The following PTPRD variants were observed in gnomAD, a reference collection of about 807,000 sequenced individuals.
The protein encoded by PTPRD is protein tyrosine phosphatase receptor type D.
PTPRD carries 34 observed loss-of-function variants against 214.5 expected under a neutral mutation model. That is an observed-to-expected ratio of 0.16 (90% CI 0.12 to 0.21). The LOEUF is 0.21. Ranked by LOEUF, PTPRD falls within the 10% of genes least tolerant of loss-of-function variation. PTPRD has a pLI of 1.00. For synonymous variants in PTPRD, 1,128 were observed against 845.7 expected, an observed-to-expected ratio of 1.33 and a Z score of -5.79; for missense variants, 2,545 against 2,398.7, an observed-to-expected ratio of 1.06 and a Z score of -1.27.
chr9:9,589,563 G>C (rs1310819281), intron 7 of PTPRD, among the ~76,000 whole-genome samples: 1 of 151,964 alleles, frequency 6.6e-6, no homozygotes, highest in Non-Finnish European at 1.5e-5. Context: ...CTGTGTTCCA[G>C]TGATATTTCA....
At chr9:9,221,877 C>A (rs1031887644) in intron 9 of PTPRD, among the ~76,000 whole-genome samples, 2 of 152,018 alleles carry the variant, frequency 1.3e-5, no homozygotes, top group Non-Finnish European at 2.9e-5. Context: ...GAAATACAGT[C>A]ATCACTTCAG....
At position 9,099,653 on chromosome 9, in the gene PTPRD, T is replaced by A. The variant is rs1015892942; in HGVS notation, c.-142-80918A>T. On this transcript the variant is annotated intron_variant, in intron 10 of 45. Transcript: ENST00000381196. ...ATTTCTACAATTGTAATTATGTTTT[T>A]AAGAATAAAAATATTCCATACTAGG... 3.3e-5 allele frequency among the ~76,000 whole-genome samples: 5 copies of A among 152,202 alleles called. No individual in the cohort carries two copies. The South Asian group carries it at 1.0e-3, about 31-fold the overall frequency.
At chr9:9,971,315 G>A (rs907052241) in intron 4 of PTPRD, among the ~76,000 whole-genome samples, 17 of 152,280 alleles carry the variant, frequency 1.1e-4, no homozygotes, top group African/African-American at 3.8e-4. Flanking sequence ...GTCTGGAGTA[G>A]AAACCAGGTG....
chr9:9,271,939 A>G (rs1943107962), intron 9 of PTPRD, among the ~76,000 whole-genome samples: 1 of 151,420 alleles, frequency 6.6e-6, no homozygotes, highest in Non-Finnish European at 1.5e-5. Flanking sequence ...CATTGTTTAT[A>G]GAGATACAAA....
At chr9:9,519,636 A>G (rs2096918247) in intron 8 of PTPRD, among the ~76,000 whole-genome samples, 1 of 152,014 alleles carries the variant, frequency 6.6e-6, no homozygotes, top group South Asian at 2.1e-4. Context: ...CTAAAGAATA[A>G]GCATAACAAA....
At chr9:8,681,065 A>T (rs1228384471) in intron 12 of PTPRD, among the ~76,000 whole-genome samples, 1 of 152,110 alleles carries the variant, frequency 6.6e-6, no homozygotes, top group African/African-American at 2.4e-5. Flanking sequence ...CTATCTCCTG[A>T]CTTTGTTAGT....
At chr9:9,950,022 A>T (rs1191794713) in intron 4 of PTPRD, among the ~76,000 whole-genome samples, 1 of 152,138 alleles carries the variant, frequency 6.6e-6, no homozygotes, top group East Asian at 1.9e-4. Flanking sequence ...CTTAACATAA[A>T]GTCTCTTAGT....
intron 35 of PTPRD, among the ~76,000 whole-genome samples, chr9:8,414,938 A>G (rs1334160077): frequency 1.6e-5 from 2 of 122,120 alleles, no homozygotes; most frequent in African/African-American, 6.9e-5. Flanking sequence ...GGGGAGAGAG[A>G]GAGAGAGAGA....
At chr9:9,489,969 C>G (rs2095830596) in intron 8 of PTPRD, among the ~76,000 whole-genome samples, 1 of 151,944 alleles carries the variant, frequency 6.6e-6, no homozygotes, top group Admixed American at 6.6e-5. Context: ...AACAAAATTT[C>G]AAAAGCCAGA....
At chr9:8,470,407 G>C (rs1017805494) in intron 31 of PTPRD, among the ~76,000 whole-genome samples, 6 of 152,044 alleles carry the variant, frequency 3.9e-5, no homozygotes, top group Non-Finnish European at 8.8e-5. Context: ...TATATATTTA[G>C]TATTTGTTGT....
At chr9:9,982,282 C>A (rs1017456543) in intron 4 of PTPRD, among the ~76,000 whole-genome samples, 21 of 152,280 alleles carry the variant, frequency 1.4e-4, no homozygotes, top group African/African-American at 4.6e-4. Context: ...AAGGACCAAA[C>A]AACACCCATA....
chr9:9,106,243 T>A (rs1270041726), intron 10 of PTPRD, among the ~76,000 whole-genome samples: 1 of 151,814 alleles, frequency 6.6e-6, no homozygotes, highest in Non-Finnish European at 1.5e-5. Context: ...TGCATCTCAG[T>A]CACATCTGCA....
At chr9:9,655,346 G>A (rs1458093332) in intron 7 of PTPRD, among the ~76,000 whole-genome samples, 1 of 152,186 alleles carries the variant, frequency 6.6e-6, no homozygotes, top group African/African-American at 2.4e-5. Flanking sequence ...AAGGTGGGCA[G>A]ATCACCTGAG....
At chr9:9,412,078 G>C (rs543720844) in intron 8 of PTPRD, among the ~76,000 whole-genome samples, 8 of 152,122 alleles carry the variant, frequency 5.3e-5, no homozygotes, top group African/African-American at 1.2e-4. Context: ...AGAAAAAAGC[G>C]ATTATACAGC....
intron 4 of PTPRD, among the ~76,000 whole-genome samples, chr9:9,940,534 G>T (rs1457373640): frequency 6.6e-6 from 1 of 152,244 alleles, no homozygotes; most frequent in African/African-American, 2.4e-5. Context: ...ATTCTAGACC[G>T]ATAACTTTTA....
intron 2 of PTPRD, among the ~76,000 whole-genome samples, chr9:10,414,936 A>C (rs542668397): frequency 6.6e-6 from 1 of 151,882 alleles, no homozygotes; most frequent in African/African-American, 2.4e-5. Flanking sequence ...TTGAGGGTGA[A>C]GGATGGGAAG....
At position 10,355,198 on chromosome 9, in the gene PTPRD, C is replaced by T. The variant is rs553730793; in HGVS notation, c.-599-14181G>A. Among the ~76,000 whole-genome samples the T allele has an allele frequency of 6.6e-5, 10 of 151,960 alleles. No homozygotes were observed. The East Asian group carries it at 1.4e-3, about 21-fold the overall frequency. On this transcript the variant is annotated intron_variant, in intron 2 of 45. Transcript: ENST00000381196. The stretch of plus-strand genomic sequence containing the variant: ...TCATATAATTTAAGTTATTAAGAAA[C>T]GTATGAGGCAAAATATGTATCTTGG...
At chr9:10,493,635 G>GAGTCCTCAACAATTGTTGA (rs1361926169) in intron 2 of PTPRD, among the ~76,000 whole-genome samples, 2 of 151,892 alleles carry the variant, frequency 1.3e-5, no homozygotes, top group Non-Finnish European at 2.9e-5. Context: ...CAATTGTTGA[G>GAGTCCTCAACAATTGTTGA]GACTGTGTTT....
At chr9:10,019,086 A>C (rs191237655) in intron 4 of PTPRD, among the ~76,000 whole-genome samples, 40 of 152,260 alleles carry the variant, frequency 2.6e-4, no homozygotes, top group African/African-American at 8.9e-4. Context: ...TACAAGAAAA[A>C]ACAAACAACC....
Sources: gnomAD v4.1 joint callset for allele counts (sites outside exome capture counted in the v4.1 genomes callset) on GRCh38, gnomAD v4.1.1 for gene constraint, MANE v1.5 for transcripts, NCBI Gene and HGNC (gene_info 2026-07-23, HGNC 2026-07-21) for gene names.